The following NAV3 variants were observed in gnomAD, a reference collection of about 807,000 sequenced individuals.
NAV3 encodes pore membrane and/or filament interacting like protein 1.
Under a neutral mutation model 244.7 loss-of-function variants are expected in NAV3, and 87 were observed. That is an observed-to-expected ratio of 0.36 (90% CI 0.30 to 0.42). The LOEUF is 0.42. NAV3 is among the 20% of genes least tolerant of loss of function. The pLI, the probability that NAV3 is intolerant of heterozygous loss-of-function variation, is 1.00. For missense variants in NAV3, 2,663 were observed against 2,893.3 expected (o/e 0.92, Z 1.83); for synonymous variants, 1,126 against 1,042.2 (o/e 1.08, Z -1.55).
At chr12:78,048,225 A>G (rs1203424779) in intron 9 of NAV3, among the ~76,000 whole-genome samples, 1 of 152,160 alleles carries the variant, frequency 6.6e-6, no homozygotes, top group Non-Finnish European at 1.5e-5. Flanking sequence ...AAATTCGTCA[A>G]ACTCATACTC....
chr12:78,036,762 T>C, intron 9 of NAV3: 1 of 595,676 alleles, frequency 1.7e-6, no homozygotes, highest in Non-Finnish European at 3.0e-6. Context: ...TGAGCTTTTA[T>C]TGAAGTGCAT....
chr12:78,011,280 G>A (rs1346222175), intron 8 of NAV3, among the ~76,000 whole-genome samples: 1 of 152,016 alleles, frequency 6.6e-6, no homozygotes, highest in East Asian at 1.9e-4. Flanking sequence ...TTTCATTTAT[G>A]TACTCATCCC....
chr12:77,647,265 T>C (rs572335476), intron 2 of NAV3, among the ~76,000 whole-genome samples: 1 of 152,202 alleles, frequency 6.6e-6, no homozygotes, highest in East Asian at 1.9e-4. Flanking sequence ...TAGAAAAACA[T>C]AGAGGAGTAA....
At chr12:77,671,242 C>G (rs1196697436) in intron 2 of NAV3, among the ~76,000 whole-genome samples, 2 of 151,904 alleles carry the variant, frequency 1.3e-5, no homozygotes, top group Non-Finnish European at 2.9e-5. Context: ...ATACTTAGGA[C>G]TATACCTAAC....
intron 1 of NAV3, among the ~76,000 whole-genome samples, chr12:77,919,392 A>T (rs553323107): frequency 6.6e-6 from 1 of 152,194 alleles, no homozygotes; most frequent in South Asian, 2.1e-4. Flanking sequence ...ATGTTACTAC[A>T]TTCTTACATT....
At position 78,059,121 on chromosome 12, in the gene NAV3, G is replaced by T; in HGVS notation, c.2636+6G>T. The T allele has an allele frequency of 6.2e-7, 1 of 1,609,022 alleles. No homozygotes were observed. The highest frequency in any genetic ancestry group is 1.1e-5 in the South Asian group (1 of 90,054). On this transcript the variant is annotated splice_donor_region_variant and intron_variant, in intron 12 of 39. Coordinates refer to ENST00000397909, the MANE Select transcript of NAV3 (RefSeq NM_001024383.2). ...GTGACAGTGGATGCAGACAGGTAAT[G>T]CTATCAGCATATATGATGGTGAGAC...
At chr12:77,823,148 A>G (rs756615780) in intron 2 of NAV3, among the ~76,000 whole-genome samples, 2 of 152,212 alleles carry the variant, frequency 1.3e-5, no homozygotes, top group Non-Finnish European at 2.9e-5. Flanking sequence ...GAGATGGAGA[A>G]CCCAAATAGA....
chr12:77,792,866 T>C (rs1347410710), intron 2 of NAV3, among the ~76,000 whole-genome samples: 2 of 152,184 alleles, frequency 1.3e-5, no homozygotes, highest in Non-Finnish European at 2.9e-5. Context: ...ATTTGGCCAG[T>C]AAATAATCTG....
At chr12:78,188,092 T>C (rs538954951) in intron 31 of NAV3, among the ~76,000 whole-genome samples, 156 bp from the exon 32 acceptor site, 1 of 152,060 alleles carries the variant, frequency 6.6e-6, no homozygotes, top group South Asian at 2.1e-4. Flanking sequence ...TTTTATGTTA[T>C]ATAATCCACC....
At chr12:78,202,620 A>G (rs1959831016) in intron 38 of NAV3, among the ~76,000 whole-genome samples, 1 of 152,080 alleles carries the variant, frequency 6.6e-6, no homozygotes. Flanking sequence ...ATTATTTTTG[A>G]AGAGGGATAA....
intron 3 of NAV3, among the ~76,000 whole-genome samples, chr12:77,951,619 C>A (rs929723966): frequency 4.6e-5 from 7 of 152,090 alleles, no homozygotes; most frequent in African/African-American, 1.7e-4. Context: ...CACATGCACA[C>A]GTATGTTCAT....
intron 3 of NAV3, among the ~76,000 whole-genome samples, chr12:77,947,830 G>T (rs1405216634): frequency 6.6e-6 from 1 of 152,000 alleles, no homozygotes; most frequent in Admixed American, 6.6e-5. Flanking sequence ...TTTTAAATCT[G>T]CCTGTCTCTA....
intron 26 of NAV3, 111 bp from the exon 27 acceptor site, chr12:78,177,030 T>C: frequency 1.0e-6 from 1 of 993,740 alleles, no homozygotes. Flanking sequence ...ACTCTGCTTG[T>C]ACATACTGAC....
Position 77,774,978 on chromosome 12 carries a change from A to G in NAV3, c.73-165341A>G, listed in dbSNP as rs541975509. 7.2e-4 allele frequency among the ~76,000 whole-genome samples: 110 copies of G among 152,302 alleles called. 2 individuals carry two copies. The highest frequency in any genetic ancestry group is 2.6e-4 in the Non-Finnish European group (18 of 68,024). ...ATGAATGCCTGGTCATAGTATGAGG[A>G]AGTTGTGCTTCCACTGTGAACAAAT... On this transcript the variant is annotated intron_variant, in intron 2 of 8. Transcript: ENST00000550042.
At chr12:78,057,809 C>A (rs1006743900) in intron 11 of NAV3, among the ~76,000 whole-genome samples, 1 of 152,178 alleles carries the variant, frequency 6.6e-6, no homozygotes, top group Non-Finnish European at 1.5e-5. Context: ...CCTAAGCAGT[C>A]TGGCTCTGGT....
intron 2 of NAV3, among the ~76,000 whole-genome samples, chr12:77,786,312 T>G (rs1870904457): frequency 6.6e-6 from 1 of 152,170 alleles, no homozygotes. Flanking sequence ...AAACTTGATG[T>G]TTTTGAATTG....
intron 12 of NAV3, among the ~76,000 whole-genome samples, chr12:78,082,193 TC>T (rs890695892): frequency 3.9e-5 from 6 of 152,194 alleles, no homozygotes; most frequent in African/African-American, 1.4e-4. Context: ...TTGTGAGGCC[TC>T]CCCAGCCATG....
intron 20 of NAV3, among the ~76,000 whole-genome samples, chr12:78,145,855 G>A (rs1051577956): frequency 1.3e-5 from 2 of 152,056 alleles, no homozygotes; most frequent in African/African-American, 4.8e-5. Flanking sequence ...ATTATCTGTG[G>A]TTATCAGTAG....
At chr12:77,647,037 A>G (rs1872631168) in intron 2 of NAV3, among the ~76,000 whole-genome samples, 1 of 149,534 alleles carries the variant, frequency 6.7e-6, no homozygotes, top group African/African-American at 2.5e-5. Context: ...ACACACATAT[A>G]TACATGGTGT....
Sources: gnomAD v4.1 joint callset for allele counts (sites outside exome capture counted in the v4.1 genomes callset) on GRCh38, gnomAD v4.1.1 for gene constraint, MANE v1.5 for transcripts, NCBI Gene and HGNC (gene_info 2026-07-23, HGNC 2026-07-21) for gene names.